Variants in USPL1 observed in about 807,000 individuals in gnomAD.
USPL1 encodes SUMO-specific isopeptidase USPL1.
USPL1 carries 27 observed loss-of-function variants against 51.5 expected under a neutral mutation model. The ratio of observed to expected loss-of-function variants is 0.52; its 90% CI spans 0.39 to 0.72. The LOEUF (loss-of-function observed/expected upper bound fraction) is 0.72, where lower values mean the gene tolerates loss of function less well. Among genes scored for constraint, USPL1 ranks in the 30% least tolerant of loss-of-function variants. USPL1 has a pLI of 0.00. For missense variants in USPL1, 1,226 were observed against 1,268.0 expected (o/e 0.97, Z 0.50); for synonymous variants, 451 against 459.6 (o/e 0.98, Z 0.24).
At chr13:30,623,985 C>T (rs538142966) in intron 3 of USPL1, among the ~76,000 whole-genome samples, 2 of 152,248 alleles carry the variant, frequency 1.3e-5, no homozygotes, top group Non-Finnish European at 2.9e-5. Context: ...TTGAGTTCTG[C>T]GAGCTGTCCT....
At chr13:30,624,478 C>T (rs1049397176) in intron 3 of USPL1, among the ~76,000 whole-genome samples, 1 of 152,086 alleles carries the variant, frequency 6.6e-6, no homozygotes, top group African/African-American at 2.4e-5. Flanking sequence ...ATTAGCTGGG[C>T]ATGGTGGTGT....
At chr13:30,645,788 C>T (rs1951010724) in intron 6 of USPL1, among the ~76,000 whole-genome samples, 1 of 152,142 alleles carries the variant, frequency 6.6e-6, no homozygotes, top group South Asian at 2.1e-4. Context: ...TATCACTGTA[C>T]TCTATGTGTC....
intron 8 of USPL1, among the ~76,000 whole-genome samples, chr13:30,654,511 G>A (rs1254359623): frequency 6.6e-6 from 1 of 151,984 alleles, no homozygotes; most frequent in East Asian, 1.9e-4. Flanking sequence ...AGGACTACAG[G>A]CACATGCTAT....
intron 4 of USPL1, among the ~76,000 whole-genome samples, chr13:30,633,175 A>G (rs1317047911): frequency 3.9e-5 from 6 of 152,230 alleles, no homozygotes. Flanking sequence ...GTACAGTAAT[A>G]TATTTTGAGA....
intron 4 of USPL1, among the ~76,000 whole-genome samples, chr13:30,633,783 TCAAAA>T (rs1950838802): frequency 1.2e-5 from 1 of 84,780 alleles, no homozygotes; most frequent in African/African-American, 5.4e-5. Flanking sequence ...AGACTCTGTC[TCAAAA>T]AAAAAAAAAA....
intron 6 of USPL1, among the ~76,000 whole-genome samples, chr13:30,645,261 G>A (rs1251705254): frequency 6.6e-6 from 1 of 152,192 alleles, no homozygotes; most frequent in Non-Finnish European, 1.5e-5. Flanking sequence ...GTTTTCGGTT[G>A]AGTGTCTTCT....
chr13:30,653,205 G>A lies in USPL1; in HGVS notation c.1296G>A (p.Gln432=), dbSNP rs898772711. ...FVEGLPQNDL[Q]HYAFHFEGCL... is the part of the protein sequence containing the mutation. ...AAGGCTTACCACAGAATGACTTGCA[G>A]CACTATGCATTTCATTTTGAAGGCT... Residue 432 remains glutamine (Q), a synonymous_variant, in exon 8 of 9, where the codon CAG becomes CAA. Transcript: ENST00000255304. 6.2e-7 allele frequency: 1 copy of A among 1,612,726 alleles called. No homozygotes were observed.
rs1378563900 is a variant in USPL1, at chr13:30,659,407, C to T, written c.*51C>T. 7.1e-7 allele frequency: 1 copy of T among 1,405,742 alleles called. No homozygotes were observed. The highest frequency in any genetic ancestry group is 9.5e-7 in the Non-Finnish European group (1 of 1,057,798). The allele number at this position is 1,405,742 out of a possible 1,614,324, so 87.1% of individuals were successfully genotyped here. ...ATAATATTTATTATTATTAGAAGAA[C>T]TTACAATGTGTTCAGGTAGTGTTTA... On this transcript the variant is annotated 3_prime_UTR_variant, in exon 9 of 9. Transcript: ENST00000255304.
chr13:30,654,943 TG>T (rs1347558362), intron 8 of USPL1, among the ~76,000 whole-genome samples: 2 of 151,972 alleles, frequency 1.3e-5, no homozygotes, highest in South Asian at 2.1e-4. Flanking sequence ...CATATATATA[TG>T]TTTTTTTTTT....
Position 30,658,424 on chromosome 13 carries a change from A to G in USPL1, c.2347A>G (p.Ile783Val), listed in dbSNP as rs202071439. ...TGTTTCAGCTCATAATAGAAACACTATAACTGATTTACAACCTTCAGTTAA... is the reference window on the plus strand; with the variant it reads ...TGTTTCAGCTCATAATAGAAACACTGTAACTGATTTACAACCTTCAGTTAA... ...LCVSAHNRNT[I>V]TDLQPSVKGV... The change falls in exon 9 of 9, where the codon ATA (isoleucine) becomes GTA (valine). Residue 783 changes from isoleucine to valine, a missense_variant. Coordinates refer to ENST00000255304, the MANE Select transcript of USPL1 (RefSeq NM_005800.5). The G allele has an allele frequency of 1.4e-5, 23 of 1,613,644 alleles. No homozygotes were observed. Among genetic ancestry groups the G allele is most frequent in the Admixed American group, 1.7e-5 (1 of 60,006 alleles).
In USPL1 at chr13:30,659,048, G is replaced by A. The variant is rs1270758986; in HGVS notation, c.2971G>A (p.Gly991Ser). The A allele has an allele frequency of 6.2e-7, 1 of 1,614,168 alleles. No individual in the cohort carries two copies. The highest frequency in any genetic ancestry group is 8.5e-7 in the Non-Finnish European group (1 of 1,180,038). The change falls in exon 9 of 9, where the codon GGT becomes AGT. Residue 991 changes from glycine (G) to serine (S), a missense_variant. Coordinates refer to ENST00000255304, the MANE Select transcript of USPL1 (RefSeq NM_005800.5). ...AACAGAGCTGTCAGAAAATGGGGAA[G>A]GTGACTTTAGGTATTTGGGAATGGG... is the stretch of plus-strand genomic sequence containing the variant. Reference protein sequence around the residue: ...VSTELSENGEGDFRYLGMGDS... With the variant: ...VSTELSENGESDFRYLGMGDS...
Position 30,658,668 on chromosome 13 carries a change from A to G in USPL1, c.2591A>G (p.Asn864Ser). Residue 864 changes from asparagine (N) to serine (S), a missense_variant, in exon 9 of 9, where the codon AAC becomes AGC. Coordinates refer to ENST00000255304, the MANE Select transcript of USPL1 (RefSeq NM_005800.5). The part of the protein sequence containing the change: ...SGSTSCGAQL[N>S]HSSYGNGISS... ...AGCACCTCATGTGGAGCTCAACTCA[A>G]CCACAGTTCTTATGGGAATGGTATT... 6.2e-7 allele frequency: 1 copy of G among 1,614,242 alleles called. No homozygotes were observed. Among genetic ancestry groups the G allele is most frequent in the East Asian group, 2.2e-5 (1 of 44,888 alleles).
intron 7 of USPL1, among the ~76,000 whole-genome samples, chr13:30,647,620 A>G (rs1401260186): frequency 6.6e-6 from 1 of 152,104 alleles, no homozygotes; most frequent in Non-Finnish European, 1.5e-5. Context: ...CATCTGTTTA[A>G]ACTCACAGGT....
At chr13:30,631,542 C>A in intron 4 of USPL1, 68 bp downstream of exon 4, 1 of 1,453,648 alleles carries the variant, frequency 6.9e-7, no homozygotes, top group East Asian at 2.5e-5. Flanking sequence ...ATTCTGTCAC[C>A]CAGGCTGGAG....
chr13:30,628,057 T>C (rs911052918), intron 3 of USPL1, among the ~76,000 whole-genome samples: 10 of 148,982 alleles, frequency 6.7e-5, no homozygotes, highest in African/African-American at 2.5e-4. Flanking sequence ...TTTTTTTTTT[T>C]TTTTTTTTTG....
intron 5 of USPL1, among the ~76,000 whole-genome samples, chr13:30,638,059 T>G (rs1950898995): frequency 6.6e-6 from 1 of 152,204 alleles, no homozygotes; most frequent in South Asian, 2.1e-4. Flanking sequence ...TAGGCTGGTG[T>G]TCCACCTCTT....
At position 30,646,980 on chromosome 13, in the gene USPL1, C is replaced by T. The variant is rs765500255; in HGVS notation, c.1161C>T (p.His387=). The part of the protein sequence containing the change: ...VTFTNVIPEW[H]PLNAAHFGPC... ...TTACAAATGTCATCCCTGAGTGGCACCCACTTAATGCTGCCCATTTTGGTC... is the reference window on the plus strand; with the variant it reads ...TTACAAATGTCATCCCTGAGTGGCATCCACTTAATGCTGCCCATTTTGGTC... The change falls in exon 7 of 9, where the codon CAC becomes CAT. Residue 387 remains histidine, a synonymous_variant. Transcript: ENST00000255304. 6.2e-7 allele frequency: 1 copy of T among 1,613,884 alleles called. No individual in the cohort carries two copies. Among genetic ancestry groups the T allele is most frequent in the Non-Finnish European group, 8.5e-7 (1 of 1,179,858 alleles).
intron 7 of USPL1, 83 bp downstream of exon 7, chr13:30,647,140 GACA>G (rs1951028636): frequency 7.1e-6 from 10 of 1,401,920 alleles, no homozygotes; most frequent in Admixed American, 5.7e-5. Flanking sequence ...TGAAAATGGT[GACA>G]ACAACTTACC....
chr13:30,635,187 T>C (rs1950859356), intron 4 of USPL1, among the ~76,000 whole-genome samples: 1 of 152,238 alleles, frequency 6.6e-6, no homozygotes, highest in Non-Finnish European at 1.5e-5. Context: ...ATCTTTTCAT[T>C]TGGAGCTAGT....
Sources: allele counts gnomAD v4.1 joint callset (sites outside exome capture counted in the v4.1 genomes callset), GRCh38; gene constraint gnomAD v4.1.1; transcripts MANE v1.5; gene names NCBI Gene and HGNC (gene_info 2026-07-23, HGNC 2026-07-21).